TULP4: variants seen among roughly 807,000 people sequenced by gnomAD.
The protein encoded by TULP4 is tubby-related protein 4.
Under a neutral mutation model 129.0 loss-of-function variants are expected in TULP4, and 16 were observed. That is an observed-to-expected ratio of 0.12 (90% CI 0.08 to 0.19). TULP4 has a LOEUF of 0.19. TULP4 is among the 10% of genes least tolerant of loss of function. The pLI is 1.00. For missense variants in TULP4, 1,842 were observed against 2,059.1 expected (o/e 0.89, Z 2.04); for synonymous variants, 998 against 854.0 (o/e 1.17, Z -2.94).
intron 1 of TULP4, among the ~76,000 whole-genome samples, chr6:158,406,238 C>T (rs1777975479): frequency 6.6e-6 from 1 of 152,156 alleles, no homozygotes; most frequent in East Asian, 1.9e-4. Flanking sequence ...TTATTCACCT[C>T]ATTAGCCTAC....
chr6:158,307,566 C>G (rs1384802109), upstream of TULP4, among the ~76,000 whole-genome samples: 2 of 152,194 alleles, frequency 1.3e-5, no homozygotes, highest in East Asian at 3.8e-4. Context: ...ACTGCAACCT[C>G]CGCCTCCTGG....
At chr6:158,233,571 C>G (rs965219829) in intron 1 of TULP4, among the ~76,000 whole-genome samples, 1 of 152,268 alleles carries the variant, frequency 6.6e-6, no homozygotes, top group Middle Eastern at 3.4e-3. Context: ...CGCCAGATTG[C>G]TGGGGTGTGA....
chr6:158,500,288 A>G (rs1780415070), intron 12 of TULP4, among the ~76,000 whole-genome samples: 1 of 152,216 alleles, frequency 6.6e-6, no homozygotes, highest in African/African-American at 2.4e-5. Flanking sequence ...CATACAGACG[A>G]GAGAGCTTCT....
At chr6:158,347,785 C>T (rs760303535) in intron 1 of TULP4, among the ~76,000 whole-genome samples, 2 of 152,220 alleles carry the variant, frequency 1.3e-5, no homozygotes, top group African/African-American at 2.4e-5. Context: ...CCTTCCCTGA[C>T]TGCATCACAA....
At chr6:158,456,648 A>G (rs1209472152) in intron 5 of TULP4, among the ~76,000 whole-genome samples, 2 of 152,112 alleles carry the variant, frequency 1.3e-5, no homozygotes, top group African/African-American at 2.4e-5. Flanking sequence ...CCTGGCCAAT[A>G]TGGTGAAACC....
At chr6:158,448,929 G>A (rs1184095148) in intron 3 of TULP4, 67 bp from the exon 4 acceptor site, 1 of 1,501,138 alleles carries the variant, frequency 6.7e-7, no homozygotes, top group Non-Finnish European at 9.0e-7. Context: ...ACAAATCGAG[G>A]CAACAAGGTG....
chr6:158,296,572 G>A (rs1779037022), intron 1 of TULP4, among the ~76,000 whole-genome samples: 2 of 152,084 alleles, frequency 1.3e-5, no homozygotes, highest in Admixed American at 1.3e-4. Context: ...ACATGCTTCT[G>A]AGGGAACAGG....
chr6:158,284,603 T>C (rs577879447), intron 1 of TULP4, among the ~76,000 whole-genome samples: 3 of 152,370 alleles, frequency 2.0e-5, no homozygotes, highest in African/African-American at 7.2e-5. Context: ...CATTATATAC[T>C]GAGTGCTGTT....
At chr6:158,275,978 CT>C (rs1466806335) in intron 1 of TULP4, among the ~76,000 whole-genome samples, 1 of 151,572 alleles carries the variant, frequency 6.6e-6, no homozygotes, top group African/African-American at 2.4e-5. Context: ...ACTTTTTCTT[CT>C]TTTTTTTGTT....
chr6:158,423,981 G>A (rs1778415021), intron 2 of TULP4, among the ~76,000 whole-genome samples: 1 of 151,988 alleles, frequency 6.6e-6, no homozygotes, highest in Non-Finnish European at 1.5e-5. Context: ...AAATGAAAAG[G>A]CAAGCCAAAG....
chr6:158,328,321 G>T (rs1445669871), intron 1 of TULP4, among the ~76,000 whole-genome samples: 2 of 151,992 alleles, frequency 1.3e-5, no homozygotes, highest in South Asian at 2.1e-4. Context: ...GATGAGGAAA[G>T]TGAGGTACAG....
chr6:158,258,799 T>A (rs1348965430), intron 1 of TULP4, among the ~76,000 whole-genome samples: 2 of 152,228 alleles, frequency 1.3e-5, no homozygotes, highest in Admixed American at 1.3e-4. Flanking sequence ...AAAATCAAAT[T>A]TCTTTTTTAG....
At chr6:158,409,039 T>A (rs2114999054) in intron 1 of TULP4, among the ~76,000 whole-genome samples, 1 of 152,284 alleles carries the variant, frequency 6.6e-6, no homozygotes, top group East Asian at 1.9e-4. Flanking sequence ...TGAGATGGCT[T>A]CTTGTGTAAA....
intron 1 of TULP4, among the ~76,000 whole-genome samples, chr6:158,300,910 G>A (rs548782210): frequency 6.6e-6 from 1 of 152,290 alleles, no homozygotes; most frequent in East Asian, 1.9e-4. Flanking sequence ...TAATCCAGCA[G>A]CATTGACATG....
At chr6:158,401,355 T>A (rs1777843753) in intron 1 of TULP4, among the ~76,000 whole-genome samples, 2 of 152,162 alleles carry the variant, frequency 1.3e-5, no homozygotes, top group Admixed American at 1.3e-4. Flanking sequence ...ATTACAGGCA[T>A]GAGCCACCGC....
chr6:158,325,651 G>A (rs576771334), intron 1 of TULP4, among the ~76,000 whole-genome samples: 70 of 152,216 alleles, frequency 4.6e-4, no homozygotes, highest in Non-Finnish European at 7.6e-4. Context: ...GCGCCCAGCC[G>A]AGGAACAGCT....
rs546788992 is a variant in TULP4 at position 158,387,262 on chromosome 6, A to G, written c.253-25803A>G. Among the ~76,000 whole-genome samples the G allele has an allele frequency of 2.0e-5, 3 of 152,282 alleles. No individual in the cohort carries two copies. The South Asian group carries it at 6.2e-4, about 32-fold the overall frequency. On this transcript the variant is annotated intron_variant, in intron 1 of 13. Transcript: ENST00000367097. ...AACTTGAGACCCCTGCTGGTCAGGAACATCCAAACTGGTAGAGGCCTTAAG... is the reference window on the plus strand; with the variant it reads ...AACTTGAGACCCCTGCTGGTCAGGAGCATCCAAACTGGTAGAGGCCTTAAG...
intron 1 of TULP4, among the ~76,000 whole-genome samples, chr6:158,248,860 A>T (rs1364766946): frequency 6.6e-6 from 1 of 152,144 alleles, no homozygotes; most frequent in Non-Finnish European, 1.5e-5. Context: ...TGGCTCACAC[A>T]TGTAATCCCA....
chr6:158,296,282 G>T (rs1779029829), intron 1 of TULP4, among the ~76,000 whole-genome samples: 1 of 151,986 alleles, frequency 6.6e-6, no homozygotes, highest in African/African-American at 2.4e-5. Context: ...CCATATTGGG[G>T]GAACCCGCCC....
Sources: allele counts gnomAD v4.1 joint callset (sites outside exome capture counted in the v4.1 genomes callset), GRCh38; gene constraint gnomAD v4.1.1; transcripts MANE v1.5; gene names NCBI Gene and HGNC (gene_info 2026-07-23, HGNC 2026-07-21).